Variants in LRRC8C observed in about 807,000 individuals in gnomAD.
LRRC8C encodes volume-regulated anion channel subunit LRRC8C.
In LRRC8C, 20 loss-of-function variants were observed where a neutral mutation model predicts 55.3. That is an observed-to-expected ratio of 0.36 (90% CI 0.25 to 0.53). The LOEUF is 0.53. LRRC8C is among the 20% of genes least tolerant of loss of function. The probability of loss-of-function intolerance (pLI) is 0.92; values close to 1 mark genes in which losing one functional copy is unlikely to be tolerated. For synonymous variants in LRRC8C, 376 were observed against 360.7 expected, an observed-to-expected ratio of 1.04 and a Z score of -0.48; for missense variants, 659 against 951.4, an observed-to-expected ratio of 0.69 and a Z score of 4.04.
chr1:89,636,164 C>G (rs1012754526), intron 1 of LRRC8C, among the ~76,000 whole-genome samples: 1 of 152,184 alleles, frequency 6.6e-6, no homozygotes, highest in African/African-American at 2.4e-5. Flanking sequence ...GCCTCCCTAG[C>G]TGGATCACTG....
intron 1 of LRRC8C, among the ~76,000 whole-genome samples, chr1:89,660,421 C>T (rs569890550): frequency 8.5e-5 from 13 of 152,152 alleles, no homozygotes; most frequent in Non-Finnish European, 1.6e-4. Flanking sequence ...CCCACCCCAG[C>T]GGTTCTGATT....
intron 1 of LRRC8C, among the ~76,000 whole-genome samples, chr1:89,669,020 A>G (rs1657345694): frequency 6.6e-6 from 1 of 152,200 alleles, no homozygotes; most frequent in Non-Finnish European, 1.5e-5. Context: ...ATTCACAATA[A>G]CCAAGATGTA....
In LRRC8C at chr1:89,712,798, C is replaced by T; in HGVS notation, c.228C>T (p.Ala76=). Residue 76 remains alanine, a synonymous_variant, in exon 3 of 3, where the codon GCC becomes GCT. Coordinates refer to ENST00000370454, the MANE Select transcript of LRRC8C (RefSeq NM_032270.5). ...TTTCGAATGTCTCTCAAGCAGTTGC[C>T]AGTACCACTCCACTGCCTCCACCTA... ...SSLSNVSQAV[A]STTPLPPPKP... 6.2e-7 allele frequency: 1 copy of T among 1,614,140 alleles called. No individual in the cohort carries two copies. Among genetic ancestry groups the T allele is most frequent in the South Asian group, 1.1e-5 (1 of 91,082 alleles).
At chr1:89,709,367 T>G (rs560540179) in intron 2 of LRRC8C, among the ~76,000 whole-genome samples, 15 of 152,334 alleles carry the variant, frequency 9.8e-5, no homozygotes, top group African/African-American at 3.6e-4. Flanking sequence ...CATGGCAGAT[T>G]CCAGCTAATT....
chr1:89,644,274 A>G (rs1656550821), intron 1 of LRRC8C, among the ~76,000 whole-genome samples: 1 of 152,244 alleles, frequency 6.6e-6, no homozygotes, highest in South Asian at 2.1e-4. Context: ...TCCCAGGCTC[A>G]GGCAGTTCTC....
At position 89,651,567 on chromosome 1, in the gene LRRC8C, CAAAAA is replaced by C. The variant is rs1179039674; in HGVS notation, c.-5+18264_-5+18268del. Among the ~76,000 whole-genome samples, 35 of 40,728 alleles carry C rather than the reference CAAAAA, an allele frequency of 8.6e-4. No individual in the cohort carries two copies. The East Asian group carries it at 0.021, about 25-fold the overall frequency. The allele number at this position is 40,728 out of a possible 152,430, so 26.7% of individuals were successfully genotyped here. On this transcript the variant is annotated intron_variant, in intron 1 of 2. Coordinates refer to ENST00000370454, the MANE Select transcript of LRRC8C (RefSeq NM_032270.5). ...TCGGTGACAGAGCGAGACTCTGTCTCAAAAAAAAAAAAAAAAAAAAAAAGCAACGT... is the reference window on the plus strand; with the variant it reads ...TCGGTGACAGAGCGAGACTCTGTCTCAAAAAAAAAAAAAAAAAAGCAACGT...
intron 2 of LRRC8C, among the ~76,000 whole-genome samples, chr1:89,699,339 A>G (rs757093942): frequency 6.6e-6 from 1 of 152,222 alleles, no homozygotes; most frequent in Non-Finnish European, 1.5e-5. Flanking sequence ...ATCTTTATCC[A>G]ACACCAAGAG....
chr1:89,635,922 C>A (rs548636288), intron 1 of LRRC8C, among the ~76,000 whole-genome samples: 1 of 152,308 alleles, frequency 6.6e-6, no homozygotes, highest in Admixed American at 6.5e-5. Context: ...TCAGATCACT[C>A]ATAAAAGCAT....
At chr1:89,670,039 A>G (rs1297460574) in intron 1 of LRRC8C, among the ~76,000 whole-genome samples, 1 of 152,214 alleles carries the variant, frequency 6.6e-6, no homozygotes, top group Non-Finnish European at 1.5e-5. Context: ...TTAATTATTT[A>G]AGATTATATA....
At chr1:89,704,675 C>G (rs142748609) in intron 2 of LRRC8C, among the ~76,000 whole-genome samples, 1 of 152,084 alleles carries the variant, frequency 6.6e-6, no homozygotes, top group African/African-American at 2.4e-5. Flanking sequence ...TGAAAAAATG[C>G]TCACCATCAC....
rs35427989 is a variant in LRRC8C, at chr1:89,693,646, CTTTTTTTTTTTTTTTTT to C, written c.138+7048_138+7064del. 9.3e-4 allele frequency among the ~76,000 whole-genome samples: 77 copies of C among 82,714 alleles called. 1 individual carries two copies. The highest frequency in any genetic ancestry group is 8.3e-3 in the Middle Eastern group (1 of 120). The allele number at this position is 82,714 out of a possible 152,430, so 54.3% of individuals were successfully genotyped here. On this transcript the variant is annotated intron_variant, in intron 2 of 2. Transcript: ENST00000370454. Reference sequence around the variant, plus strand: ...GTTCCTTTTCTTTTATCTTTTCTTCCTTTTTTTTTTTTTTTTTTTTTTTTTTTTTGAGACAGAGTCTC... The same window carrying C: ...GTTCCTTTTCTTTTATCTTTTCTTCCTTTTTTTTTTTTGAGACAGAGTCTC...
At chr1:89,622,152 G>A in the LRRC8C span, among the ~76,000 whole-genome samples, 1 of 152,168 alleles carries the variant, frequency 6.6e-6, no homozygotes, top group Non-Finnish European at 1.5e-5. Flanking sequence ...GGCGTGATAA[G>A]AGTGTGGGCT....
At chr1:89,627,195 G>C in the LRRC8C span, among the ~76,000 whole-genome samples, 1 of 151,962 alleles carries the variant, frequency 6.6e-6, no homozygotes, top group African/African-American at 2.4e-5. Flanking sequence ...AATCAAAAAT[G>C]ATCCTATAGC....
the LRRC8C span, among the ~76,000 whole-genome samples, chr1:89,616,900 A>C: frequency 6.6e-6 from 1 of 152,196 alleles, no homozygotes; most frequent in Non-Finnish European, 1.5e-5. Context: ...CTTATGCTAT[A>C]TGTGTCTTCA....
chr1:89,629,341 A>G (rs1399725039), upstream of LRRC8C, among the ~76,000 whole-genome samples: 1 of 152,250 alleles, frequency 6.6e-6, no homozygotes, highest in Non-Finnish European at 1.5e-5. Context: ...CAGGGTGGAT[A>G]GAGAATGCAG....
At chr1:89,642,967 G>A (rs566134359) in intron 1 of LRRC8C, among the ~76,000 whole-genome samples, 3 of 148,772 alleles carry the variant, frequency 2.0e-5, no homozygotes, top group Non-Finnish European at 4.4e-5. Context: ...GCAGTGAGCC[G>A]AGATCACGCC....
intron 1 of LRRC8C, among the ~76,000 whole-genome samples, chr1:89,660,088 G>C (rs1657071950): frequency 6.6e-6 from 1 of 152,172 alleles, no homozygotes; most frequent in South Asian, 2.1e-4. Context: ...CTTGAGAGAG[G>C]GTGGGCTGTG....
the LRRC8C span, among the ~76,000 whole-genome samples, chr1:89,621,330 G>T: frequency 6.6e-6 from 1 of 150,900 alleles, no homozygotes; most frequent in African/African-American, 2.4e-5. Flanking sequence ...TTAGCCAGGC[G>T]TGGTGGCAGG....
upstream of LRRC8C, chr1:89,632,064 T>G (rs534163117): frequency 1.3e-5 from 2 of 152,356 alleles, no homozygotes; most frequent in South Asian, 4.1e-4. Context: ...AGTTTGACTT[T>G]GGGTGCTCTT....
Sources: gnomAD v4.1 joint callset for allele counts (sites outside exome capture counted in the v4.1 genomes callset) on GRCh38, gnomAD v4.1.1 for gene constraint, MANE v1.5 for transcripts, NCBI Gene and HGNC (gene_info 2026-07-23, HGNC 2026-07-21) for gene names.